Variants in RANBP1 observed in about 807,000 individuals in gnomAD.
RANBP1 encodes ran-specific GTPase-activating protein.
RANBP1 carries 16 observed loss-of-function variants against 31.4 expected under a neutral mutation model. The observed-to-expected ratio is 0.51, with a 90% CI of 0.34 to 0.77. The LOEUF (loss-of-function observed/expected upper bound fraction) is 0.77. Among genes scored for constraint, RANBP1 ranks in the 30% least tolerant of loss-of-function variants. The pLI is 0.01. For missense variants in RANBP1, 265 were observed against 362.0 expected (o/e 0.73, Z 2.17); for synonymous variants, 129 against 140.5 (o/e 0.92, Z 0.58).
chr22:20,120,582 G>A (rs1027774020), intron 2 of RANBP1, among the ~76,000 whole-genome samples: 1 of 152,242 alleles, frequency 6.6e-6, no homozygotes, highest in African/African-American at 2.4e-5. Context: ...AGGCAGAGCT[G>A]TGCACAGAGG....
At chr22:20,116,760 C>A in intron 1 of RANBP1, 1 of 1,428,362 alleles carries the variant, frequency 7.0e-7, no homozygotes. Flanking sequence ...GACCCCATTC[C>A]CGTCTCCTTT....
intron 5 of RANBP1, 122 bp downstream of exon 5, chr22:20,126,490 C>T (rs777327793): frequency 1.3e-5 from 21 of 1,597,002 alleles, no homozygotes; most frequent in South Asian, 3.4e-5. Context: ...GGCCGCCTCA[C>T]GTATCCAGAG....
chr22:20,123,844 C>T (rs1242921845), intron 3 of RANBP1, among the ~76,000 whole-genome samples: 3 of 152,064 alleles, frequency 2.0e-5, no homozygotes, highest in South Asian at 2.1e-4. Context: ...GTACACTTGT[C>T]CTGGGGTGTC....
intron 2 of RANBP1, among the ~76,000 whole-genome samples, chr22:20,120,712 A>G (rs2050153064): frequency 6.6e-6 from 1 of 152,074 alleles, no homozygotes; most frequent in Admixed American, 6.5e-5. Context: ...GCCTGATTAG[A>G]GGCCTGGGCC....
chr22:20,117,565 A>G (rs992478341), intron 1 of RANBP1: 2 of 1,405,432 alleles, frequency 1.4e-6, no homozygotes, highest in African/African-American at 1.5e-5. Flanking sequence ...CCAGACGCGG[A>G]GGGAAGGAGC....
intron 1 of RANBP1, chr22:20,117,705 G>A (rs555759275): frequency 2.3e-6 from 1 of 425,966 alleles, no homozygotes; most frequent in East Asian, 1.8e-4. Flanking sequence ...GGCGGGCGGG[G>A]CCGGGGCCGT....
intron 5 of RANBP1, 35 bp from the exon 6 acceptor site, chr22:20,126,917 C>T: frequency 6.2e-7 from 1 of 1,601,982 alleles, no homozygotes; most frequent in Non-Finnish European, 8.5e-7. Flanking sequence ...ATGCACCGTG[C>T]TTCTGTTTTC....
chr22:20,117,211 G>T, intron 1 of RANBP1: 1 of 543,698 alleles, frequency 1.8e-6, no homozygotes, highest in South Asian at 3.0e-5. Context: ...GTGCGGCGGA[G>T]GCCGAGCGTC....
At chr22:20,118,529 A>C (rs891394610) in intron 1 of RANBP1, among the ~76,000 whole-genome samples, 5 of 152,274 alleles carry the variant, frequency 3.3e-5, no homozygotes, top group Non-Finnish European at 7.3e-5. Flanking sequence ...CAAGAGCACA[A>C]CTATTTCCTA....
At position 20,126,730 on chromosome 22, in the gene RANBP1, G is replaced by C. The variant is rs935385203; in HGVS notation, c.737-222G>C. ...GTGACCAGATGTCACTGAGCAGCCT[G>C]ACCATGGTCTAGGCAGTGCTTGAGT... On this transcript the variant is annotated intron_variant, in intron 5 of 5. Transcript: ENST00000430524. The C allele has an allele frequency of 2.1e-6, 3 of 1,460,176 alleles. No individual in the cohort carries two copies. In the African/African-American group the frequency reaches 4.2e-5, roughly 20 times the overall value. The allele number at this position is 1,460,176 out of a possible 1,614,324, so 90.5% of individuals were successfully genotyped here. A position where few individuals can be genotyped will look rare whatever the true frequency, so the allele number is the denominator to read the frequency against.
chr22:20,116,700 C>A (rs2050034246), intron 1 of RANBP1: 1 of 1,460,524 alleles, frequency 6.8e-7, no homozygotes, highest in Non-Finnish European at 9.1e-7. Context: ...CCCAGACCTC[C>A]GTCGGTGCAC....
At chr22:20,125,647 A>C (rs1466285562) in intron 4 of RANBP1, 1 of 1,449,048 alleles carries the variant, frequency 6.9e-7, no homozygotes, top group African/African-American at 1.4e-5. Context: ...AAGCTGTGCC[A>C]AGTAGCTGGT....
At chr22:20,116,666 C>A in intron 1 of RANBP1, 4 of 1,499,630 alleles carry the variant, frequency 2.7e-6, no homozygotes, top group Non-Finnish European at 3.6e-6. Flanking sequence ...GGGGGCCTGG[C>A]CCCCCAAGCT....
intron 2 of RANBP1, among the ~76,000 whole-genome samples, chr22:20,120,759 G>A (rs894794514): frequency 2.6e-5 from 4 of 152,166 alleles, no homozygotes; most frequent in African/African-American, 9.7e-5. Context: ...TGACCCGCCC[G>A]CCTCAGCCTC....
intron 2 of RANBP1, 115 bp downstream of exon 2, chr22:20,119,264 C>A: frequency 9.7e-7 from 1 of 1,031,052 alleles, no homozygotes; most frequent in Non-Finnish European, 1.4e-6. Flanking sequence ...AAAGAAAGGG[C>A]CTAAAGTTGG....
rs772091421 is a variant in RANBP1, at chr22:20,126,945, T to G, written c.737-7T>G. 1 of 1,612,308 alleles carries G rather than the reference T, an allele frequency of 6.2e-7. No individual in the cohort carries two copies. The highest frequency in any genetic ancestry group is 8.5e-7 in the Non-Finnish European group (1 of 1,179,236). On this transcript the variant is annotated splice_polypyrimidine_tract_variant and splice_region_variant and intron_variant, in intron 5 of 5. Transcript: ENST00000430524. ...CTGTTTTCTCACTGTGCTGCTTGTG[T>G]TTTTAGCAGGATCAGGCAAAAATGA... is the stretch of plus-strand genomic sequence containing the variant.
In RANBP1 at chr22:20,126,292, C is replaced by T. The variant is rs1480117002; in HGVS notation, c.671-11C>T. 1 of 1,611,882 alleles carries T rather than the reference C, an allele frequency of 6.2e-7. No individual in the cohort carries two copies. Among genetic ancestry groups the T allele is most frequent in the East Asian group, 2.2e-5 (1 of 44,882 alleles). ...ACAGCTCTTAGGAAGTCTTCGCTCT[C>T]CCTTCCACAGATGCACAGAAATTCA... is the stretch of plus-strand genomic sequence containing the variant. On this transcript the variant is annotated splice_polypyrimidine_tract_variant and intron_variant, in intron 4 of 5. Transcript: ENST00000430524.
chr22:20,117,453 G>A, intron 1 of RANBP1: 2 of 1,200,348 alleles, frequency 1.7e-6, no homozygotes, highest in Non-Finnish European at 2.1e-6. Context: ...CAATAAAGCT[G>A]TACTGGTTTT....
chr22:20,126,248 C>A (rs974481533), intron 4 of RANBP1, 55 bp from the exon 5 acceptor site: 9 of 1,570,336 alleles, frequency 5.7e-6, no homozygotes, highest in Non-Finnish European at 6.9e-6. Context: ...CCCGGCAGGG[C>A]ATGTCTCTTC....
Sources: allele counts gnomAD v4.1 joint callset (sites outside exome capture counted in the v4.1 genomes callset), GRCh38; gene constraint gnomAD v4.1.1; transcripts MANE v1.5; gene names NCBI Gene and HGNC (gene_info 2026-07-23, HGNC 2026-07-21).